Variants in ADCY6 observed in about 807,000 individuals in gnomAD.
The protein encoded by ADCY6 is adenylate cyclase 6.
A neutral mutation model predicts 111.6 loss-of-function variants in ADCY6; 59 were observed. That is an observed-to-expected ratio of 0.53 (90% CI 0.43 to 0.66). The LOEUF (loss-of-function observed/expected upper bound fraction) is 0.66. Among genes scored for constraint, ADCY6 ranks in the 30% least tolerant of loss-of-function variants. ADCY6 has a pLI of 0.00. For synonymous variants in ADCY6, 576 were observed against 642.9 expected (o/e 0.90, Z 1.57); for missense variants, 1,242 against 1,595.6 (o/e 0.78, Z 3.78).
intron 2 of ADCY6, among the ~76,000 whole-genome samples, chr12:48,779,905 C>T (rs1412579797): frequency 6.6e-6 from 1 of 152,150 alleles, no homozygotes; most frequent in Non-Finnish European, 1.5e-5. Flanking sequence ...CCTGGCTCAC[C>T]CCTAGCCATT....
At chr12:48,774,370 C>T (rs1293533898) in intron 14 of ADCY6, 32 bp downstream of exon 14, 3 of 1,568,560 alleles carry the variant, frequency 1.9e-6, no homozygotes, top group African/African-American at 1.4e-5. Flanking sequence ...TGGCACAGAG[C>T]AGAGGTGGGA....
In ADCY6 at chr12:48,772,521, C is replaced by G. The variant is rs763425771; in HGVS notation, c.2644G>C (p.Asp882His). The G allele has an allele frequency of 6.2e-7, 1 of 1,614,090 alleles. No homozygotes were observed. Among genetic ancestry groups the G allele is most frequent in the Non-Finnish European group, 8.5e-7 (1 of 1,180,052 alleles). The change falls in exon 17 of 22, where the codon GAT (aspartate) becomes CAT (histidine). Residue 882 changes from aspartate (D) to histidine (H), a missense_variant. Physicochemically the swap from Asp to His is moderately conservative, Grantham distance 81. Transcript: ENST00000357869. The stretch of plus-strand genomic sequence containing the variant: ...GCCCTCACTTACCAGTCCAGCCCAT[C>G]AAAGGTCTCATTGGAAGAAGCCCTG... ...HGLASSNETF[D>H]GLDCPAAGRV...
chr12:48,775,618 C>T lies in ADCY6; in HGVS notation c.1832+55G>A, dbSNP rs975808337. The T allele has an allele frequency of 8.5e-5, 135 of 1,597,502 alleles. 1 individual carries two copies. The Admixed American group carries it at 2.2e-3, about 26-fold the overall frequency. On this transcript the variant is annotated intron_variant, in intron 10 of 21. Coordinates refer to ENST00000357869, the MANE Select transcript of ADCY6 (RefSeq NM_015270.5). The stretch of plus-strand genomic sequence containing the variant: ...AGGGAAAAGGAGGATCTCGGCTCCC[C>T]CCAGCCCCATCCCAGGGTGCAAGTG...
chr12:48,780,616 C>A (rs1941816788), intron 2 of ADCY6, among the ~76,000 whole-genome samples: 1 of 152,138 alleles, frequency 6.6e-6, no homozygotes. Context: ...GACTGCACCT[C>A]CCCAGTCAGG....
intron 1 of ADCY6, among the ~76,000 whole-genome samples, chr12:48,787,261 C>T (rs1941995206): frequency 6.6e-6 from 1 of 151,928 alleles, no homozygotes; most frequent in African/African-American, 2.4e-5. Flanking sequence ...ACCACCCCCA[C>T]CAGCACTGGC....
At position 48,774,537 on chromosome 12, in the gene ADCY6, C is replaced by G; in HGVS notation, c.2167-19G>C. 1 of 1,609,310 alleles carries G rather than the reference C, an allele frequency of 6.2e-7. No homozygotes were observed. The highest frequency in any genetic ancestry group is 8.5e-7 in the Non-Finnish European group (1 of 1,175,784). On this transcript the variant is annotated intron_variant, in intron 13 of 21. Coordinates refer to ENST00000357869, the MANE Select transcript of ADCY6 (RefSeq NM_015270.5). The stretch of plus-strand genomic sequence containing the variant: ...GGAACAGCTAGAGGCATCAAGAGAC[C>G]AAGAGTTGAAGGTTGTATCAGCCAA...
At chr12:48,781,534 G>T (rs1244762713) in intron 2 of ADCY6, among the ~76,000 whole-genome samples, 1 of 152,148 alleles carries the variant, frequency 6.6e-6, no homozygotes, top group African/African-American at 2.4e-5. Context: ...CTCTGAAAGG[G>T]ACTTCCCAGA....
rs1565648337 is a variant in ADCY6, at chr12:48,777,550, A to T, written c.1137-29T>A. The T allele has an allele frequency of 2.5e-6, 4 of 1,614,142 alleles. No homozygotes were observed. The highest frequency in any genetic ancestry group is 3.4e-6 in the Non-Finnish European group (4 of 1,179,976). On this transcript the variant is annotated intron_variant, in intron 4 of 21. Coordinates refer to ENST00000357869, the MANE Select transcript of ADCY6 (RefSeq NM_015270.5). This position sits in a 1 kb window ranked among gnomAD's most constrained non-coding sequence, Gnocchi z 4.9. ...TAGATGACAGCAGAGGATGAACAGA[A>T]CACATAGCCCTCAAAGACTTCCAGA...
At chr12:48,772,645 G>T in intron 16 of ADCY6, 102 bp from the exon 17 acceptor site, 1 of 1,382,226 alleles carries the variant, frequency 7.2e-7, no homozygotes, top group Non-Finnish European at 1.0e-6. Context: ...AGCACATACT[G>T]TAAGTCAGGC....
At chr12:48,784,007 G>C (rs1057212530) in intron 1 of ADCY6, 2 of 156,298 alleles carry the variant, frequency 1.3e-5, no homozygotes, top group East Asian at 1.9e-4. Context: ...GCTTGAACCC[G>C]GGTGGCAGAG....
chr12:48,788,850 A>G (rs1942030742), intron 1 of ADCY6, 56 bp downstream of exon 1: 1 of 151,584 alleles, frequency 6.6e-6, no homozygotes, highest in Non-Finnish European at 1.5e-5. Context: ...GTGCGTTCCA[A>G]TCCTGGCGCA....
In ADCY6 at chr12:48,776,960, G is replaced by T; in HGVS notation, c.1376+144C>A. ...CGCATGGGTCTTTGCACAGGTTGGA[G>T]AAAGATTCCCCTTCCCAGTGACAGA... On this transcript the variant is annotated intron_variant, in intron 6 of 21. Transcript: ENST00000357869. The surrounding 1 kb of genome is among the most constrained non-coding windows in gnomAD (Gnocchi z 6.1). 7.6e-7 allele frequency: 1 copy of T among 1,317,082 alleles called. No individual in the cohort carries two copies. Among genetic ancestry groups the T allele is most frequent in the Non-Finnish European group, 1.0e-6 (1 of 969,164 alleles). The allele number at this position is 1,317,082 out of a possible 1,614,324, so 81.6% of individuals were successfully genotyped here. A position where few individuals can be genotyped will look rare whatever the true frequency, so the allele number is the denominator to read the frequency against.
intron 18 of ADCY6, 36 bp downstream of exon 18, chr12:48,772,259 G>C: frequency 6.3e-7 from 1 of 1,586,750 alleles, no homozygotes; most frequent in Non-Finnish European, 8.6e-7. Flanking sequence ...TCCGCCCCTA[G>C]GTTCCTCCTC....
chr12:48,778,230 A>G lies in ADCY6; in HGVS notation c.892T>C (p.Cys298Arg). 6.2e-7 allele frequency: 1 copy of G among 1,614,148 alleles called. No individual in the cohort carries two copies. The highest frequency in any genetic ancestry group is 8.5e-7 in the Non-Finnish European group (1 of 1,180,026). ...QLGANVLLFL[C>R]TNVIGICTHY... ...GTGCAGATGCCAATGACGTTGGTGC[A>G]GAGGAACAGCAGCACATTGGCACCG... The change falls in exon 3 of 22, where the codon TGC becomes CGC. Residue 298 changes from cysteine (C) to arginine (R), a missense_variant. Physicochemically the swap from Cys to Arg is radical, Grantham distance 180. Transcript: ENST00000357869.
Position 48,776,705 on chromosome 12 carries a change from G to A in ADCY6, c.1377-119C>T, listed in dbSNP as rs1005222199. On this transcript the variant is annotated intron_variant, in intron 6 of 21. Transcript: ENST00000357869. The surrounding 1 kb of genome is among the most constrained non-coding windows in gnomAD (Gnocchi z 6.1). ...AAGGACAGACCCAGATGCAGGGGAC[G>A]GGAGCACAGCCTTGGTTGGACATGA... 3.3e-5 allele frequency: 43 copies of A among 1,318,742 alleles called. No individual in the cohort carries two copies. The highest frequency in any genetic ancestry group is 2.5e-4 in the Middle Eastern group (1 of 4,002). The allele number at this position is 1,318,742 out of a possible 1,614,324, so 81.7% of individuals were successfully genotyped here.
At chr12:48,775,154 C>A (rs1941662132) in intron 11 of ADCY6, 100 bp from the exon 12 acceptor site, 4 of 1,435,530 alleles carry the variant, frequency 2.8e-6, no homozygotes, top group Admixed American at 2.0e-5. Context: ...GGAGGAGATG[C>A]AGTTGGCTCA....
In ADCY6 at chr12:48,782,708, CAG is replaced by C. The variant is rs755811701; in HGVS notation, c.725_726del (p.Pro242ArgfsTer37). ...PRSPSAGLWCPVFFVYIAYTL... is the reference protein window; with the variant it reads ...PRSPSAGLWCXVFFVYIAYTL... ...GTGTAGGCGATGTAGACAAAGAACA[CAG>C]GGCACCAGAGGCCCGCAGAGGGGCT... On this transcript the variant is annotated frameshift_variant, in exon 2 of 22. Coordinates refer to ENST00000357869, the MANE Select transcript of ADCY6 (RefSeq NM_015270.5). LOFTEE classifies it high-confidence loss of function. This position sits in a 1 kb window ranked among gnomAD's most constrained non-coding sequence, Gnocchi z 4.3. 5 of 1,592,896 alleles carry C rather than the reference CAG, an allele frequency of 3.1e-6. No individual in the cohort carries two copies. The highest frequency in any genetic ancestry group is 3.4e-6 in the Non-Finnish European group (4 of 1,168,916).
At position 48,782,461 on chromosome 12, in the gene ADCY6, C is replaced by T. The variant is rs1449732952; in HGVS notation, c.864+110G>A. On this transcript the variant is annotated intron_variant, in intron 2 of 21. Transcript: ENST00000357869. This position sits in a 1 kb window ranked among gnomAD's most constrained non-coding sequence, Gnocchi z 4.3. ...CAGATACAGCCAGACATCCCTGCAC[C>T]CAGCTTCCACCCATGACTCACCCGC... The T allele has an allele frequency of 1.0e-5, 15 of 1,468,252 alleles. No homozygotes were observed. The highest frequency in any genetic ancestry group is 1.3e-5 in the Non-Finnish European group (14 of 1,109,024). The allele number at this position is 1,468,252 out of a possible 1,614,324, so 91.0% of individuals were successfully genotyped here. A position where few individuals can be genotyped will look rare whatever the true frequency, so the allele number is the denominator to read the frequency against.
In ADCY6 at chr12:48,778,348, T is replaced by C. The variant is rs1378406096; in HGVS notation, c.865-91A>G. 1.9e-6 allele frequency: 3 copies of C among 1,549,940 alleles called. No homozygotes were observed. The South Asian group carries it at 3.5e-5, about 18-fold the overall frequency. ...CATTCACACAACTTGCTAGGTTCTC[T>C]GAGGAAGGAAGCCAGGGTCCTGCAC... On this transcript the variant is annotated intron_variant, in intron 2 of 21. Transcript: ENST00000357869.
Sources: gnomAD v4.1 joint callset for allele counts (sites outside exome capture counted in the v4.1 genomes callset) on GRCh38, gnomAD v4.1.1 for gene constraint, Gnocchi (gnomAD v3.1) non-coding constraint, MANE v1.5 for transcripts, NCBI Gene and HGNC (gene_info 2026-07-23, HGNC 2026-07-21) for gene names.